The following HACL1 variants were observed in gnomAD, a reference collection of about 807,000 sequenced individuals.
HACL1 encodes the protein 1600020H07Rik.
A neutral mutation model predicts 74.2 loss-of-function variants in HACL1; 64 were observed. That is an observed-to-expected ratio of 0.86 (90% CI 0.70 to 1.06). The LOEUF (loss-of-function observed/expected upper bound fraction) is 1.06, where lower values mean the gene tolerates loss of function less well. HACL1 is among the 50% of genes least tolerant of loss of function. The probability of loss-of-function intolerance (pLI) is 0.00; values close to 1 mark genes in which losing one functional copy is unlikely to be tolerated. For synonymous variants in HACL1, 230 were observed against 238.8 expected (o/e 0.96, Z 0.34); for missense variants, 728 against 719.7 (o/e 1.01, Z -0.13).
intron 2 of HACL1, among the ~76,000 whole-genome samples, chr3:15,599,645 T>A (rs1450431801): frequency 6.6e-6 from 1 of 152,178 alleles, no homozygotes; most frequent in Non-Finnish European, 1.5e-5. Flanking sequence ...CTACAGGCAA[T>A]CTTCTCTGTC....
intron 6 of HACL1, 25 bp from the exon 7 acceptor site, chr3:15,585,367 A>G: frequency 1.6e-6 from 2 of 1,254,594 alleles, no homozygotes; most frequent in Admixed American, 3.5e-5. Context: ...AGTAGAAGAA[A>G]AGATTTGTAA....
intron 6 of HACL1, 53 bp from the exon 7 acceptor site, chr3:15,585,395 A>AGAT (rs1251465738): frequency 1.4e-5 from 13 of 952,246 alleles, no homozygotes; most frequent in Non-Finnish European, 2.2e-5. Context: ...GTCTTATCAT[A>AGAT]TTCTACTCAA....
chr3:15,569,038 GA>G (rs2063479993), intron 12 of HACL1, among the ~76,000 whole-genome samples: 1 of 152,154 alleles, frequency 6.6e-6, no homozygotes, highest in Admixed American at 6.5e-5. Context: ...AATACAATCT[GA>G]AAATCTAGTT....
chr3:15,560,791 T>C lies in HACL1; in HGVS notation c.*74A>G. On this transcript the variant is annotated 3_prime_UTR_variant, in exon 17 of 17. Coordinates refer to ENST00000321169, the MANE Select transcript of HACL1 (RefSeq NM_012260.4). ...ATTTTGCACAATTTTAACAGTAGAG[T>C]AATTTTGCTGTGGAAAATAAAATTT... is the stretch of plus-strand genomic sequence containing the variant. 1 of 964,820 alleles carries C rather than the reference T, an allele frequency of 1.0e-6. No individual in the cohort carries two copies. Among genetic ancestry groups the C allele is most frequent in the East Asian group, 2.4e-5 (1 of 41,828 alleles). The allele number at this position is 964,820 out of a possible 1,614,324, so 59.8% of individuals were successfully genotyped here.
intron 4 of HACL1, 89 bp downstream of exon 4, chr3:15,591,511 T>G: frequency 1.4e-6 from 1 of 692,114 alleles, no homozygotes; most frequent in South Asian, 1.9e-5. Flanking sequence ...TTCCAAGTCT[T>G]TCTACCCTAG....
At chr3:15,589,488 T>A (rs1416153193) in intron 5 of HACL1, 52 bp downstream of exon 5, 1 of 1,137,782 alleles carries the variant, frequency 8.8e-7, no homozygotes, top group Non-Finnish European at 1.3e-6. Context: ...CAAAGCAAGA[T>A]CCTGTTTCAA....
chr3:15,581,123 A>C (rs1278784360), intron 8 of HACL1, among the ~76,000 whole-genome samples: 1 of 152,216 alleles, frequency 6.6e-6, no homozygotes, highest in African/African-American at 2.4e-5. Flanking sequence ...GATGGTCTCG[A>C]ACTCCTGACC....
chr3:15,591,559 C>G (rs760258422), intron 4 of HACL1, 41 bp downstream of exon 4: 2 of 1,208,532 alleles, frequency 1.7e-6, no homozygotes, highest in Admixed American at 1.7e-5. Context: ...CCTGCAGTGA[C>G]CTTTTTAAGA....
At chr3:15,589,152 A>G (rs1200431490) in intron 5 of HACL1, among the ~76,000 whole-genome samples, 1 of 152,206 alleles carries the variant, frequency 6.6e-6, no homozygotes, top group African/African-American at 2.4e-5. Context: ...AGGCTTTTTT[A>G]TATCTTCTCT....
rs988801170 is a variant in HACL1, at chr3:15,578,197, C to T, written c.803+1713G>A. On this transcript the variant is annotated intron_variant, in intron 9 of 16. Coordinates refer to ENST00000321169, the MANE Select transcript of HACL1 (RefSeq NM_012260.4). ...TCTTATACATTACTGCCAAATGAAA[C>T]CTTTTTTTACTTAGAGATTCATCTG... 5.3e-5 allele frequency among the ~76,000 whole-genome samples: 8 copies of T among 151,148 alleles called. No individual in the cohort carries two copies. In the East Asian group the frequency reaches 7.8e-4, roughly 15 times the overall value.
chr3:15,593,864 C>T (rs2064006228), intron 3 of HACL1, among the ~76,000 whole-genome samples: 1 of 131,422 alleles, frequency 7.6e-6, no homozygotes, highest in Non-Finnish European at 1.5e-5. Context: ...ATGGTGTGAT[C>T]TCGGCTCACT....
At chr3:15,596,586 T>A (rs183724105) in intron 2 of HACL1, among the ~76,000 whole-genome samples, 162 bp from the exon 3 acceptor site, 1 of 152,236 alleles carries the variant, frequency 6.6e-6, no homozygotes, top group African/African-American at 2.4e-5. Flanking sequence ...TTTCAAATAA[T>A]GGTTATCTAA....
chr3:15,570,927 C>T (rs939623303), intron 12 of HACL1, among the ~76,000 whole-genome samples: 12 of 151,046 alleles, frequency 7.9e-5, no homozygotes, highest in South Asian at 2.1e-4. Context: ...AGCAGAAAAA[C>T]ATCTCAACCC....
Position 15,571,398 on chromosome 3 carries a change from G to C in HACL1, c.1095+270C>G, listed in dbSNP as rs752093875. On this transcript the variant is annotated intron_variant, in intron 12 of 16. Transcript: ENST00000321169. The stretch of plus-strand genomic sequence containing the variant: ...AAGCTACAACCTTTCAGAAACTTCA[G>C]GTCTTTTTCAAGGTAAAATGCTATA... Among the ~76,000 whole-genome samples the C allele has an allele frequency of 4.5e-4, 69 of 152,016 alleles. 1 individual carries two copies. The highest frequency in any genetic ancestry group is 1.0e-4 in the Non-Finnish European group (7 of 67,992).
intron 3 of HACL1, among the ~76,000 whole-genome samples, chr3:15,591,928 C>CACACA (rs1559560421): frequency 4.4e-4 from 65 of 148,268 alleles, no homozygotes; most frequent in African/African-American, 1.5e-3. Context: ...TGTATATATA[C>CACACA]GTATATACGT....
intron 8 of HACL1, among the ~76,000 whole-genome samples, chr3:15,582,348 C>T (rs1422881558): frequency 6.6e-6 from 1 of 152,182 alleles, no homozygotes; most frequent in African/African-American, 2.4e-5. Flanking sequence ...ACAAACATGT[C>T]TGCCACAGCT....
At chr3:15,573,675 T>C (rs112387316) in intron 10 of HACL1, among the ~76,000 whole-genome samples, 2,409 of 152,328 alleles carry the variant, frequency 0.016, 69 homozygotes, top group African/African-American at 0.055. Flanking sequence ...TCAGAGTTTT[T>C]TATTTTAATA....
At chr3:15,581,781 C>G (rs530362367) in intron 8 of HACL1, among the ~76,000 whole-genome samples, 2 of 152,336 alleles carry the variant, frequency 1.3e-5, no homozygotes, top group Admixed American at 6.5e-5. Context: ...TATCTCCCCT[C>G]CCCAATAGGT....
intron 5 of HACL1, among the ~76,000 whole-genome samples, chr3:15,589,314 T>G (rs1222379450): frequency 6.6e-6 from 1 of 151,884 alleles, no homozygotes; most frequent in African/African-American, 2.4e-5. Context: ...CTGGGCAACA[T>G]GGTGAAACCT....
Sources: gnomAD v4.1 joint callset for allele counts (sites outside exome capture counted in the v4.1 genomes callset) on GRCh38, gnomAD v4.1.1 for gene constraint, MANE v1.5 for transcripts, NCBI Gene and HGNC (gene_info 2026-07-23, HGNC 2026-07-21) for gene names.